The following LRRTM4 variants were observed in gnomAD, a reference collection of about 807,000 sequenced individuals.
LRRTM4 encodes leucine rich repeat transmembrane neuronal 4, also known as leucine-rich repeat transmembrane neuronal protein 4.
LRRTM4 carries 25 observed loss-of-function variants against 47.6 expected under a neutral mutation model. That is an observed-to-expected ratio of 0.53 (90% CI 0.38 to 0.73). The LOEUF is 0.73. Ranked by LOEUF, LRRTM4 falls within the 30% of genes least tolerant of loss-of-function variation. The pLI, the probability that LRRTM4 is intolerant of heterozygous loss-of-function variation, is 0.00. For synonymous variants in LRRTM4, 311 were observed against 269.5 expected (o/e 1.15, Z -1.51); for missense variants, 638 against 713.4 (o/e 0.89, Z 1.20).
chr2:76,823,147 C>T (rs116143608), intron 3 of LRRTM4, among the ~76,000 whole-genome samples: 3 of 151,234 alleles, frequency 2.0e-5, no homozygotes, highest in African/African-American at 7.3e-5. Context: ...ACATATTAAT[C>T]TTGATGCCAT....
chr2:77,459,279 C>T (rs1676684493), intron 3 of LRRTM4, among the ~76,000 whole-genome samples: 1 of 151,992 alleles, frequency 6.6e-6, no homozygotes, highest in Non-Finnish European at 1.5e-5. Flanking sequence ...CTATGGATCA[C>T]TTCAGGGGTA....
chr2:77,254,625 A>C (rs962505055), intron 3 of LRRTM4, among the ~76,000 whole-genome samples: 1 of 151,908 alleles, frequency 6.6e-6, no homozygotes, highest in African/African-American at 2.4e-5. Context: ...ATAAATGTAA[A>C]GAGAATAAAT....
intron 3 of LRRTM4, among the ~76,000 whole-genome samples, chr2:76,805,059 GTTC>G (rs1481362606): frequency 6.6e-6 from 1 of 152,034 alleles, no homozygotes; most frequent in African/African-American, 2.4e-5. Context: ...GACAAAGCCC[GTTC>G]TTCTCAAAAC....
At chr2:77,476,109 A>G (rs1177329168) in intron 3 of LRRTM4, among the ~76,000 whole-genome samples, 1 of 152,110 alleles carries the variant, frequency 6.6e-6, no homozygotes, top group African/African-American at 2.4e-5. Flanking sequence ...AATGAAAGCA[A>G]TAGAGTCTTT....
intron 3 of LRRTM4, among the ~76,000 whole-genome samples, chr2:76,948,119 G>A (rs565857724): frequency 4.2e-4 from 64 of 151,898 alleles, no homozygotes; most frequent in African/African-American, 1.4e-3. Context: ...CGAGTTTCAC[G>A]GCAACAGCAA....
intron 3 of LRRTM4, among the ~76,000 whole-genome samples, chr2:76,960,961 T>C (rs901146465): frequency 6.6e-6 from 1 of 151,382 alleles, no homozygotes; most frequent in Admixed American, 6.6e-5. Context: ...AAAGTAATAC[T>C]ACAAGATAAT....
At chr2:77,442,021 A>G (rs892793420) in intron 3 of LRRTM4, among the ~76,000 whole-genome samples, 3 of 152,204 alleles carry the variant, frequency 2.0e-5, no homozygotes, top group African/African-American at 7.2e-5. Flanking sequence ...CAAACAGAGC[A>G]GAGGCAGAAG....
chr2:77,312,422 T>A (rs1274611451), intron 3 of LRRTM4, among the ~76,000 whole-genome samples: 1 of 152,224 alleles, frequency 6.6e-6, no homozygotes, highest in Non-Finnish European at 1.5e-5. Context: ...CATGACCAGA[T>A]AATTTTAGAT....
intron 3 of LRRTM4, among the ~76,000 whole-genome samples, chr2:76,902,624 C>A (rs1003167962): frequency 6.6e-6 from 1 of 152,072 alleles, no homozygotes; most frequent in East Asian, 1.9e-4. Context: ...GGGGTGGACC[C>A]TAAAGACAAC....
rs111468624 is a variant in LRRTM4, at chr2:76,814,806, TACACACACAC to T, written c.1552-65900_1552-65891del. ...AATGGCTTCAAGATACACACACACATACACACACACACACACACACACACACACAAAAGCA... is the reference window on the plus strand; with the variant it reads ...AATGGCTTCAAGATACACACACACATACACACACACACACACACAAAAGCA... On this transcript the variant is annotated intron_variant, in intron 3 of 3. Coordinates refer to ENST00000409884, the MANE Select transcript of LRRTM4 (RefSeq NM_001134745.3). Among the ~76,000 whole-genome samples the T allele has an allele frequency of 5.3e-4, 28 of 52,660 alleles. No homozygotes were observed. The East Asian group carries it at 8.3e-3, about 16-fold the overall frequency. 34.5% of individuals were successfully genotyped at this position (52,660 alleles called of 152,430 possible).
chr2:77,159,677 G>C (rs575726319), intron 3 of LRRTM4, among the ~76,000 whole-genome samples: 1 of 152,014 alleles, frequency 6.6e-6, no homozygotes, highest in African/African-American at 2.4e-5. Context: ...GTTTGGTCTT[G>C]CAGTCTCAGG....
chr2:76,820,027 C>T (rs1377146630), intron 3 of LRRTM4, among the ~76,000 whole-genome samples: 1 of 151,914 alleles, frequency 6.6e-6, no homozygotes, highest in African/African-American at 2.4e-5. Context: ...TACAGATATC[C>T]ACCCCCAGTT....
At chr2:77,069,319 G>A (rs937780827) in intron 3 of LRRTM4, among the ~76,000 whole-genome samples, 1 of 151,748 alleles carries the variant, frequency 6.6e-6, no homozygotes, top group Non-Finnish European at 1.5e-5. Flanking sequence ...TACATGTACA[G>A]GCTTTCATGT....
chr2:77,320,248 C>T (rs1677748446), intron 3 of LRRTM4, among the ~76,000 whole-genome samples: 1 of 152,048 alleles, frequency 6.6e-6, no homozygotes, highest in East Asian at 1.9e-4. Context: ...TAACAAGAGA[C>T]TAGAGACTGA....
chr2:77,044,244 T>G (rs1168895883), intron 3 of LRRTM4, among the ~76,000 whole-genome samples: 1 of 151,750 alleles, frequency 6.6e-6, no homozygotes, highest in African/African-American at 2.4e-5. Flanking sequence ...ATATAAAGTA[T>G]ATACAATTTT....
intron 3 of LRRTM4, among the ~76,000 whole-genome samples, chr2:77,460,826 C>T (rs1676760012): frequency 6.6e-6 from 1 of 152,066 alleles, no homozygotes; most frequent in South Asian, 2.1e-4. Context: ...GCATTGCTCT[C>T]ACCCCAGTTG....
At chr2:76,927,544 T>C (rs1674626706) in intron 3 of LRRTM4, among the ~76,000 whole-genome samples, 1 of 152,146 alleles carries the variant, frequency 6.6e-6, no homozygotes, top group African/African-American at 2.4e-5. Flanking sequence ...TTCCTATTGT[T>C]AGTTTTCCAA....
At chr2:77,451,655 A>G (rs932465863) in intron 3 of LRRTM4, among the ~76,000 whole-genome samples, 7 of 152,160 alleles carry the variant, frequency 4.6e-5, no homozygotes, top group African/African-American at 1.4e-4. Flanking sequence ...TGAACAAGAT[A>G]CTCTTCTCCT....
intron 3 of LRRTM4, among the ~76,000 whole-genome samples, chr2:77,223,014 C>T (rs770250903): frequency 3.9e-4 from 59 of 152,192 alleles, no homozygotes; most frequent in Middle Eastern, 3.4e-3. Flanking sequence ...CCACCATGAT[C>T]AAGTGGGCTT....
Sources: allele counts gnomAD v4.1 joint callset (sites outside exome capture counted in the v4.1 genomes callset), GRCh38; gene constraint gnomAD v4.1.1; transcripts MANE v1.5; gene names NCBI Gene and HGNC (gene_info 2026-07-23, HGNC 2026-07-21).